MECOM: variants seen among roughly 807,000 people sequenced by gnomAD.
MECOM encodes the protein histone-lysine N-methyltransferase MECOM.
MECOM carries 13 observed loss-of-function variants against 116.3 expected under a neutral mutation model. The ratio of observed to expected loss-of-function variants is 0.11; its 90% confidence interval spans 0.07 to 0.18. The LOEUF (loss-of-function observed/expected upper bound fraction) is 0.18, where lower values mean the gene tolerates loss of function less well. Among genes scored for constraint, MECOM ranks in the 10% least tolerant of loss-of-function variants. The probability of loss-of-function intolerance (pLI) is 1.00; values close to 1 mark genes in which losing one functional copy is unlikely to be tolerated. For missense variants in MECOM, 1,299 were observed against 1,509.0 expected, an observed-to-expected ratio of 0.86 and a Z score of 2.31; for synonymous variants, 528 against 535.2, an observed-to-expected ratio of 0.99 and a Z score of 0.19.
At chr3:169,458,119 A>T (rs1746822085) in intron 1 of MECOM, among the ~76,000 whole-genome samples, 2 of 152,236 alleles carry the variant, frequency 1.3e-5, no homozygotes, top group Admixed American at 1.3e-4. Context: ...ATAAATTGCC[A>T]TGTGCTAATG....
intron 2 of MECOM, among the ~76,000 whole-genome samples, chr3:169,241,663 C>T (rs918497466): frequency 9.2e-5 from 14 of 152,122 alleles, no homozygotes; most frequent in Admixed American, 2.0e-4. Context: ...TTTGAAATTT[C>T]TTGTAATTAT....
At chr3:169,378,242 A>C (rs529087945) in intron 2 of MECOM, among the ~76,000 whole-genome samples, 10 of 151,328 alleles carry the variant, frequency 6.6e-5, no homozygotes, top group Non-Finnish European at 1.3e-4. Context: ...TGATGGGTGC[A>C]GCAAACCACC....
At chr3:169,262,333 A>G (rs1382271753) in intron 2 of MECOM, among the ~76,000 whole-genome samples, 1 of 152,202 alleles carries the variant, frequency 6.6e-6, no homozygotes, top group East Asian at 1.9e-4. Flanking sequence ...TCTTACTCAA[A>G]TGTAAAAGCT....
chr3:169,124,914 C>T (rs1215108400), intron 5 of MECOM, among the ~76,000 whole-genome samples: 1 of 152,008 alleles, frequency 6.6e-6, no homozygotes, highest in Non-Finnish European at 1.5e-5. Context: ...CCTTTGTGCA[C>T]CTAGAATAAA....
intron 1 of MECOM, among the ~76,000 whole-genome samples, chr3:169,543,253 T>C (rs1415262355): frequency 6.6e-6 from 1 of 152,200 alleles, no homozygotes; most frequent in African/African-American, 2.4e-5. Flanking sequence ...TATTATTTGA[T>C]GTAGGAATAC....
chr3:169,294,194 G>A (rs1715151487), intron 2 of MECOM, among the ~76,000 whole-genome samples: 2 of 151,866 alleles, frequency 1.3e-5, no homozygotes, highest in South Asian at 4.2e-4. Flanking sequence ...AACCTTCCAG[G>A]ATCTTGGTTT....
intron 2 of MECOM, among the ~76,000 whole-genome samples, chr3:169,264,230 G>A (rs1757989826): frequency 6.6e-6 from 1 of 152,108 alleles, no homozygotes; most frequent in Non-Finnish European, 1.5e-5. Flanking sequence ...TCCATAAATT[G>A]GTGGTGGTGG....
intron 2 of MECOM, among the ~76,000 whole-genome samples, chr3:169,306,335 A>G (rs1365638603): frequency 6.6e-6 from 1 of 152,216 alleles, no homozygotes; most frequent in Admixed American, 6.5e-5. Context: ...CATTCAGCAG[A>G]TGAAAAATGA....
At chr3:169,449,750 T>C (rs1745242148) in intron 1 of MECOM, among the ~76,000 whole-genome samples, 1 of 152,138 alleles carries the variant, frequency 6.6e-6, no homozygotes, top group Non-Finnish European at 1.5e-5. Context: ...AAATATAGGA[T>C]GTGATACCAT....
At chr3:169,195,431 T>G (rs1748292195) in intron 2 of MECOM, among the ~76,000 whole-genome samples, 1 of 152,080 alleles carries the variant, frequency 6.6e-6, no homozygotes. Context: ...TTTTTAGAAT[T>G]AACTGACTCT....
intron 1 of MECOM, among the ~76,000 whole-genome samples, chr3:169,634,241 AACAC>A (rs59934753): frequency 0.013 from 1,890 of 149,018 alleles, 27 homozygotes; most frequent in South Asian, 0.041. Flanking sequence ...TGTGTGCACA[AACAC>A]ACACACACAC....
At chr3:169,577,824 G>T (rs545399400) in intron 1 of MECOM, among the ~76,000 whole-genome samples, 1 of 152,110 alleles carries the variant, frequency 6.6e-6, no homozygotes, top group Admixed American at 6.5e-5. Context: ...AGAGGACCTG[G>T]AGGAGATGGG....
chr3:169,583,379 T>C (rs80290371), intron 1 of MECOM, among the ~76,000 whole-genome samples: 9,133 of 152,274 alleles, frequency 0.06, 374 homozygotes, highest in Non-Finnish European at 0.094. Context: ...ATTGCATCTG[T>C]TGGGGTTGTA....
chr3:169,507,992 G>C (rs985001514), intron 1 of MECOM, among the ~76,000 whole-genome samples: 1 of 152,066 alleles, frequency 6.6e-6, no homozygotes, highest in Admixed American at 6.5e-5. Context: ...GTAACCATGA[G>C]ATACTTGTTT....
chr3:169,104,133 C>T (rs1193670102), intron 10 of MECOM, among the ~76,000 whole-genome samples: 9 of 152,172 alleles, frequency 5.9e-5, no homozygotes, highest in Admixed American at 5.9e-4. Flanking sequence ...ACATTCTCCA[C>T]AGATGCAAGT....
chr3:169,530,898 C>CAA (rs11425768), intron 1 of MECOM, among the ~76,000 whole-genome samples: 6,654 of 142,288 alleles, frequency 0.047, 245 homozygotes, highest in African/African-American at 0.1. Flanking sequence ...AGATAAGCAG[C>CAA]AAAAAAAAAA....
intron 2 of MECOM, among the ~76,000 whole-genome samples, chr3:169,157,586 G>A (rs1229058239): frequency 2.0e-5 from 3 of 152,106 alleles, no homozygotes; most frequent in African/African-American, 4.8e-5. Flanking sequence ...GTGAAAATAT[G>A]GACATTGATT....
chr3:169,404,581 AG>A (rs754033911), intron 1 of MECOM, among the ~76,000 whole-genome samples: 1 of 152,228 alleles, frequency 6.6e-6, no homozygotes, highest in East Asian at 1.9e-4. Flanking sequence ...GGATTGCTGG[AG>A]GGGGAAGCCC....
intron 2 of MECOM, among the ~76,000 whole-genome samples, chr3:169,252,606 T>C (rs1334839564): frequency 6.6e-6 from 1 of 152,090 alleles, no homozygotes; most frequent in African/African-American, 2.4e-5. Flanking sequence ...AATCAAGTCT[T>C]AGGCTAATTG....
Sources: gnomAD v4.1 joint callset for allele counts (sites outside exome capture counted in the v4.1 genomes callset) on GRCh38, gnomAD v4.1.1 for gene constraint, MANE v1.5 for transcripts, NCBI Gene and HGNC (gene_info 2026-07-23, HGNC 2026-07-21) for gene names.